The following ESRRG variants were observed in gnomAD, a reference collection of about 807,000 sequenced individuals.
The protein encoded by ESRRG is estrogen related receptor gamma.
A neutral mutation model predicts 44.0 loss-of-function variants in ESRRG; 13 were observed. The ratio of observed to expected loss-of-function variants is 0.30; its 90% CI spans 0.19 to 0.47. ESRRG has a LOEUF of 0.47. ESRRG is among the 20% of genes least tolerant of loss of function. The pLI, the probability that ESRRG is intolerant of heterozygous loss-of-function variation, is 1.00. For missense variants in ESRRG, 395 were observed against 580.6 expected (o/e 0.68, Z 3.29); for synonymous variants, 215 against 214.6 (o/e 1.00, Z -0.02).
intron 1 of ESRRG, among the ~76,000 whole-genome samples, chr1:217,101,039 C>T (rs1324887944): frequency 1.3e-5 from 2 of 152,204 alleles, no homozygotes; most frequent in African/African-American, 4.8e-5. Context: ...CAAAGAGTAA[C>T]CTATTGGTAA....
At chr1:216,723,594 G>C (rs1559414802), upstream of ESRRG, 2 of 411,934 alleles carry the variant, frequency 4.9e-6, no homozygotes, top group South Asian at 7.2e-5. Context: ...GAGGAGCCAG[G>C]CAGGTAGGCA....
At chr1:217,133,660 T>TC (rs766187574) in intron 1 of ESRRG, among the ~76,000 whole-genome samples, 8 of 147,146 alleles carry the variant, frequency 5.4e-5, no homozygotes, top group African/African-American at 1.3e-4. Context: ...TCTTTCTTTC[T>TC]TTCTTTCTTT....
At chr1:216,949,735 C>T (rs1366437958) in intron 1 of ESRRG, among the ~76,000 whole-genome samples, 2 of 152,076 alleles carry the variant, frequency 1.3e-5, no homozygotes, top group African/African-American at 4.8e-5. Flanking sequence ...TATAAACGAA[C>T]CAAAAATGTG....
intron 1 of ESRRG, among the ~76,000 whole-genome samples, chr1:216,692,249 C>T (rs543449047): frequency 2.6e-5 from 4 of 151,152 alleles, no homozygotes; most frequent in Admixed American, 2.0e-4. Flanking sequence ...CAGTAGGACT[C>T]GATGTGGAGG....
At chr1:217,061,651 T>C (rs888382551) in intron 1 of ESRRG, among the ~76,000 whole-genome samples, 3 of 152,126 alleles carry the variant, frequency 2.0e-5, no homozygotes, top group African/African-American at 7.2e-5. Context: ...TTAAATTTGC[T>C]GTGCAGAAAT....
At chr1:216,682,074 C>T (rs1415811209) in intron 1 of ESRRG, 1 of 152,222 alleles carries the variant, frequency 6.6e-6, no homozygotes, top group Non-Finnish European at 1.5e-5. Flanking sequence ...TTAACCCTTT[C>T]ACCGAAATAC....
chr1:216,569,602 A>G (rs1429552195), intron 3 of ESRRG, among the ~76,000 whole-genome samples: 3 of 152,220 alleles, frequency 2.0e-5, no homozygotes, highest in East Asian at 1.9e-4. Context: ...AGTTTAGCAC[A>G]GGACCATATA....
At chr1:216,546,813 A>T (rs955892443) in intron 5 of ESRRG, among the ~76,000 whole-genome samples, 18 of 67,450 alleles carry the variant, frequency 2.7e-4, no homozygotes, top group Non-Finnish European at 5.6e-4. Flanking sequence ...CTATCTCTTT[A>T]TATATATATA....
intron 2 of ESRRG, among the ~76,000 whole-genome samples, chr1:216,670,080 T>G (rs2074853768): frequency 1.3e-5 from 2 of 152,268 alleles, no homozygotes; most frequent in Admixed American, 6.5e-5. Flanking sequence ...CCAATTACTA[T>G]AAACTGAGGT....
At chr1:216,907,373 C>G (rs890357544) in intron 2 of ESRRG, among the ~76,000 whole-genome samples, 1 of 152,138 alleles carries the variant, frequency 6.6e-6, no homozygotes, top group Admixed American at 6.6e-5. Flanking sequence ...TTAGGGATTC[C>G]GGCTCGGCAA....
intron 1 of ESRRG, among the ~76,000 whole-genome samples, chr1:217,012,786 T>C (rs1047792150): frequency 6.6e-6 from 1 of 152,200 alleles, no homozygotes; most frequent in Admixed American, 6.5e-5. Context: ...TGAATATTAC[T>C]GTATTATATC....
chr1:216,736,923 A>G (rs2090018467), intron 2 of ESRRG, among the ~76,000 whole-genome samples: 1 of 152,136 alleles, frequency 6.6e-6, no homozygotes, highest in Non-Finnish European at 1.5e-5. Flanking sequence ...ATCATCAGGA[A>G]CAGAGCTTTT....
intron 2 of ESRRG, chr1:216,864,656 C>T (rs894427093): frequency 6.6e-6 from 1 of 152,162 alleles, no homozygotes; most frequent in Non-Finnish European, 1.5e-5. Flanking sequence ...GAGTTAGGAA[C>T]AACTCCGTGT....
At chr1:216,669,516 G>A (rs2074699929) in intron 2 of ESRRG, among the ~76,000 whole-genome samples, 1 of 152,216 alleles carries the variant, frequency 6.6e-6, no homozygotes, top group African/African-American at 2.4e-5. Context: ...CAACTTTAAT[G>A]CATTTCAAAA....
At chr1:217,114,809 A>G (rs2092702747) in intron 1 of ESRRG, among the ~76,000 whole-genome samples, 1 of 150,600 alleles carries the variant, frequency 6.6e-6, no homozygotes. Context: ...GGCGCCCGCC[A>G]CCACACGCAG....
At position 216,883,386 on chromosome 1, in the gene ESRRG, G is replaced by GAAA. The variant is rs11318094; in HGVS notation, c.-14+56193_-14+56195dup. 1.3e-3 allele frequency among the ~76,000 whole-genome samples: 99 copies of GAAA among 75,874 alleles called. 2 individuals carry two copies. The highest frequency in any genetic ancestry group is 3.7e-3 in the African/African-American group (86 of 23,248). 49.8% of individuals were successfully genotyped at this position (75,874 alleles called of 152,430 possible). On this transcript the variant is annotated intron_variant, in intron 2 of 7. Transcript: ENST00000359162. ...GGGGACAAGAGCGAGACTTCTCTGAGAAAAAAAAAAAAAAAAAAAAAAAAA... is the reference window on the plus strand; with the variant it reads ...GGGGACAAGAGCGAGACTTCTCTGAGAAAAAAAAAAAAAAAAAAAAAAAAAAAA...
rs1413170574 is a variant in ESRRG, at chr1:217,095,203, T to C, written c.-230+42464A>G. ...CATTCATTTAAGCCAAATGTCATGA[T>C]GGCCACAACACAGATAGTGTATAAT... is the stretch of plus-strand genomic sequence containing the variant. On this transcript the variant is annotated intron_variant, in intron 1 of 8. Coordinates refer to the ESRRG transcript ENST00000366940. 2.6e-5 allele frequency among the ~76,000 whole-genome samples: 4 copies of C among 152,348 alleles called. 1 individual carries two copies. The South Asian group carries it at 8.3e-4, about 32-fold the overall frequency.
chr1:216,929,556 C>CA (rs1048410977), intron 2 of ESRRG, among the ~76,000 whole-genome samples: 1 of 151,374 alleles, frequency 6.6e-6, no homozygotes, highest in Non-Finnish European at 1.5e-5. Flanking sequence ...AAGAGTTGGG[C>CA]AAAAAAACAA....
intron 2 of ESRRG, among the ~76,000 whole-genome samples, chr1:216,916,441 G>A (rs1040826756): frequency 3.8e-4 from 58 of 152,312 alleles, no homozygotes; most frequent in African/African-American, 1.2e-3. Context: ...ATTAGCATCC[G>A]TTATTAGTTT....
Sources: allele counts gnomAD v4.1 joint callset (sites outside exome capture counted in the v4.1 genomes callset), GRCh38; gene constraint gnomAD v4.1.1; transcripts MANE v1.5; gene names NCBI Gene and HGNC (gene_info 2026-07-23, HGNC 2026-07-21).